Variants in TUT4 observed in about 807,000 individuals in gnomAD.
The protein encoded by TUT4 is terminal uridylyl transferase 4, also known as terminal uridylyltransferase 4.
A neutral mutation model predicts 192.2 loss-of-function variants in TUT4; 36 were observed. The ratio of observed to expected loss-of-function variants is 0.19; its 90% CI spans 0.14 to 0.25. The LOEUF is 0.25. Ranked by LOEUF, TUT4 falls within the 10% of genes least tolerant of loss-of-function variation. TUT4 has a pLI of 1.00. For synonymous variants in TUT4, 618 were observed against 666.0 expected (o/e 0.93, Z 1.11); for missense variants, 1,493 against 1,957.2 (o/e 0.76, Z 4.47).
At chr1:52,510,557 G>C (rs1240261582) in intron 3 of TUT4, among the ~76,000 whole-genome samples, 2 of 152,154 alleles carry the variant, frequency 1.3e-5, no homozygotes, top group African/African-American at 4.8e-5. Flanking sequence ...ATAACCTCTT[G>C]AGGTCACAAC....
intron 27 of TUT4, 183 bp downstream of exon 27, chr1:52,435,182 C>A: frequency 2.4e-6 from 1 of 410,198 alleles, no homozygotes; most frequent in South Asian, 7.3e-5. Flanking sequence ...TAGACAGAAA[C>A]CCAGATCTAC....
At chr1:52,482,301 C>CT (rs1668676475) in intron 9 of TUT4, among the ~76,000 whole-genome samples, 1 of 152,014 alleles carries the variant, frequency 6.6e-6, no homozygotes, top group South Asian at 2.1e-4. Context: ...TTTCTATTTC[C>CT]TATATAGGTA....
chr1:52,514,628 G>A (rs1445191994), intron 3 of TUT4: 1 of 152,238 alleles, frequency 6.6e-6, no homozygotes, highest in East Asian at 1.9e-4. Context: ...ACCCAGGATT[G>A]TCTTGTTCAA....
At chr1:52,512,541 G>A (rs1016211618) in intron 3 of TUT4, among the ~76,000 whole-genome samples, 10 of 152,074 alleles carry the variant, frequency 6.6e-5, no homozygotes, top group African/African-American at 1.2e-4. Context: ...CAACCACTTC[G>A]TGCAAGGCAC....
At chr1:52,455,049 C>CCAAG (rs1231015139) in intron 20 of TUT4, among the ~76,000 whole-genome samples, 1 of 152,160 alleles carries the variant, frequency 6.6e-6, no homozygotes, top group Non-Finnish European at 1.5e-5. Flanking sequence ...CTTTGGGAGG[C>CCAAG]CAAGGCAGGC....
Position 52,474,864 on chromosome 1 carries a change from C to T in TUT4, c.2695G>A (p.Val899Met). ...DNLPTQELYY[V>M]FDKFILTSGK... ...GAGGTTAAAATAAACTTATCAAACA[C>T]ATAATATAATTCCTGGGTGGGGAGG... Residue 899 changes from valine to methionine, a missense_variant, in exon 13 of 30, where the codon GTG (valine) becomes ATG (methionine). Around this residue, in one of 7 missense-constraint regions of TUT4, gnomAD observed 59 missense variants for 114.3 expected, o/e 0.52. Coordinates refer to ENST00000257177, the MANE Select transcript of TUT4 (RefSeq NM_001009881.3). 1 of 1,610,826 alleles carries T rather than the reference C, an allele frequency of 6.2e-7. No homozygotes were observed. The highest frequency in any genetic ancestry group is 8.5e-7 in the Non-Finnish European group (1 of 1,179,212).
intron 1 of TUT4, among the ~76,000 whole-genome samples, chr1:52,539,239 G>A (rs1336086092): frequency 6.6e-6 from 1 of 152,190 alleles, no homozygotes; most frequent in Non-Finnish European, 1.5e-5. Flanking sequence ...ATCAAGGAAA[G>A]TAGAGTTGAA....
intron 3 of TUT4, chr1:52,515,662 C>G (rs1678530753): frequency 1.6e-6 from 1 of 607,822 alleles, no homozygotes; most frequent in African/African-American, 1.9e-5. Context: ...CATAGTTTGC[C>G]AACTCTTGGG....
At chr1:52,434,642 A>G (rs147351741) in intron 27 of TUT4, 1 of 152,258 alleles carries the variant, frequency 6.6e-6, no homozygotes, top group African/African-American at 2.4e-5. Context: ...GTTCAAGACT[A>G]GCCCGACCAA....
Position 52,481,930 on chromosome 1 carries a change from A to C in TUT4, c.1516-7T>G. Reference sequence around the variant, plus strand: ...GGGAGTCAATATAGCACAACTGCAAAATGAAGGGGAAAAAAGTACTACCAT... The same window carrying C: ...GGGAGTCAATATAGCACAACTGCAACATGAAGGGGAAAAAAGTACTACCAT... On this transcript the variant is annotated splice_region_variant and splice_polypyrimidine_tract_variant and intron_variant, in intron 9 of 29. Coordinates refer to ENST00000257177, the MANE Select transcript of TUT4 (RefSeq NM_001009881.3). 6.7e-7 allele frequency: 1 copy of C among 1,494,192 alleles called. No homozygotes were observed. Among genetic ancestry groups the C allele is most frequent in the Non-Finnish European group, 8.9e-7 (1 of 1,127,884 alleles). The allele number at this position is 1,494,192 out of a possible 1,614,324, so 92.6% of individuals were successfully genotyped here.
intron 13 of TUT4, among the ~76,000 whole-genome samples, 172 bp from the exon 14 acceptor site, chr1:52,472,274 G>GT (rs979310073): frequency 4.0e-5 from 6 of 151,698 alleles, no homozygotes; most frequent in African/African-American, 1.5e-4. Flanking sequence ...CTACAAAAAA[G>GT]TTTTTTGAGT....
rs534411433 is a variant in TUT4, at chr1:52,429,780, A to G, written c.4711+1233T>C. 4.6e-5 allele frequency among the ~76,000 whole-genome samples: 7 copies of G among 151,946 alleles called. No homozygotes were observed. In the South Asian group the frequency reaches 1.2e-3, roughly 27 times the overall value. On this transcript the variant is annotated intron_variant, in intron 28 of 29. Transcript: ENST00000257177. ...GCTAATTTTTGTATTTTTAATAGAG[A>G]CAAGAGTTTTGCCATGCTGGCCAGC...
chr1:52,461,251 A>T, intron 18 of TUT4, 28 bp from the exon 19 acceptor site: 1 of 1,566,736 alleles, frequency 6.4e-7, no homozygotes. Flanking sequence ...ATTTGAAAGG[A>T]TTTCAAATTT....
chr1:52,430,491 C>T (rs1374263359), intron 28 of TUT4, among the ~76,000 whole-genome samples: 4 of 152,140 alleles, frequency 2.6e-5, no homozygotes, highest in Non-Finnish European at 4.4e-5. Flanking sequence ...CCATGTTGGC[C>T]AGGCTGGTCT....
intron 1 of TUT4, among the ~76,000 whole-genome samples, chr1:52,542,140 T>C (rs1322541514): frequency 6.6e-6 from 1 of 152,076 alleles, no homozygotes; most frequent in African/African-American, 2.4e-5. Context: ...CCTACAGCAG[T>C]CAAAATCATA....
chr1:52,509,640 C>A lies in TUT4; in HGVS notation c.955G>T (p.Ala319Ser), dbSNP rs763589768. 3 of 1,609,408 alleles carry A rather than the reference C, an allele frequency of 1.9e-6. No individual in the cohort carries two copies. Among genetic ancestry groups the A allele is most frequent in the East Asian group, 2.2e-5 (1 of 44,728 alleles). Residue 319 changes from alanine to serine, a missense_variant, in exon 4 of 30, where the codon GCT becomes TCT. Ala to Ser is a moderately conservative substitution (Grantham distance 99). This residue lies in a region of TUT4 where 437 missense variants were observed against 577.6 expected (regional missense o/e 0.76). Transcript: ENST00000257177. ...CGTTTCTCCTTTATATGTTTATGAG[C>A]CCCCTGGATATTTTCAATGTGAATT... The part of the protein sequence containing the change: ...CLIHIENIQG[A>S]HKHIKEKRHK...
At chr1:52,456,038 A>C (rs566326351) in intron 20 of TUT4, among the ~76,000 whole-genome samples, 2 of 152,348 alleles carry the variant, frequency 1.3e-5, no homozygotes, top group African/African-American at 4.8e-5. Flanking sequence ...TTGGAAGTAA[A>C]ACAGATATTT....
At chr1:52,441,315 G>A (rs1254107654) in intron 24 of TUT4, among the ~76,000 whole-genome samples, 5 of 145,330 alleles carry the variant, frequency 3.4e-5, no homozygotes, top group African/African-American at 5.1e-5. Context: ...ACAGAGTGTC[G>A]TTCTGTTGCC....
chr1:52,461,490 A>G lies in TUT4; in HGVS notation c.3231+23T>C, dbSNP rs1207117443. On this transcript the variant is annotated intron_variant, in intron 18 of 29. Coordinates refer to ENST00000257177, the MANE Select transcript of TUT4 (RefSeq NM_001009881.3). ...AACTTTTAAAATGAAAAGTATATACATGGCCTATAAAGATAAACTTACCAA... is the reference window on the plus strand; with the variant it reads ...AACTTTTAAAATGAAAAGTATATACGTGGCCTATAAAGATAAACTTACCAA... 5 of 1,588,594 alleles carry G rather than the reference A, an allele frequency of 3.1e-6. No individual in the cohort carries two copies. In the East Asian group the frequency reaches 9.0e-5, roughly 28 times the overall value.
Sources: allele counts gnomAD v4.1 joint callset (sites outside exome capture counted in the v4.1 genomes callset), GRCh38; gene constraint gnomAD v4.1.1; regional missense constraint gnomAD v4.1.1; transcripts MANE v1.5; gene names NCBI Gene and HGNC (gene_info 2026-07-23, HGNC 2026-07-21).